Variants in SGMS2 observed in about 807,000 individuals in gnomAD.
The protein encoded by SGMS2 is sphingomyelin synthase 2.
SGMS2 carries 21 observed loss-of-function variants against 43.8 expected under a neutral mutation model. The ratio of observed to expected loss-of-function variants is 0.48; its 90% CI spans 0.34 to 0.69. The LOEUF is 0.69. Ranked by LOEUF, SGMS2 falls within the 30% of genes least tolerant of loss-of-function variation. The pLI is 0.01. For synonymous variants in SGMS2, 167 were observed against 160.6 expected (o/e 1.04, Z -0.30); for missense variants, 384 against 443.2 (o/e 0.87, Z 1.20).
At chr4:107,860,768 G>A (rs1004015299) in intron 2 of SGMS2, among the ~76,000 whole-genome samples, 1 of 152,018 alleles carries the variant, frequency 6.6e-6, no homozygotes, top group African/African-American at 2.4e-5. Context: ...CAGGTAATCC[G>A]CCTGCCTCGG....
intron 2 of SGMS2, among the ~76,000 whole-genome samples, chr4:107,877,913 C>CTTTTTTTTTTTTT (rs774442653): frequency 2.3e-4 from 24 of 102,170 alleles, no homozygotes; most frequent in African/African-American, 3.9e-4. Flanking sequence ...TTTTTCTTTT[C>CTTTTTTTTTTTTT]TTTTTTTTTT....
intron 4 of SGMS2, among the ~76,000 whole-genome samples, chr4:107,902,339 T>A (rs570122089): frequency 6.6e-6 from 1 of 151,758 alleles, no homozygotes; most frequent in South Asian, 2.1e-4. Context: ...TTCTATTACA[T>A]GATTTTTTTT....
intron 2 of SGMS2, among the ~76,000 whole-genome samples, chr4:107,885,047 A>T (rs1729641500): frequency 6.6e-6 from 1 of 152,166 alleles, no homozygotes; most frequent in Non-Finnish European, 1.5e-5. Flanking sequence ...TCATTTGTTT[A>T]GGGTACCATG....
chr4:107,829,068 A>C (rs936264563), intron 1 of SGMS2, among the ~76,000 whole-genome samples: 1 of 152,238 alleles, frequency 6.6e-6, no homozygotes, highest in African/African-American at 2.4e-5. Flanking sequence ...ATTAGAACCC[A>C]GTGAGACAGA....
chr4:107,831,919 C>T (rs1362037565), intron 1 of SGMS2, among the ~76,000 whole-genome samples: 3 of 152,190 alleles, frequency 2.0e-5, no homozygotes, highest in Non-Finnish European at 2.9e-5. Flanking sequence ...TAGTCTAGCA[C>T]AACTGGTACT....
chr4:107,891,898 G>C (rs1730251034), intron 2 of SGMS2, among the ~76,000 whole-genome samples: 1 of 152,044 alleles, frequency 6.6e-6, no homozygotes, highest in Non-Finnish European at 1.5e-5. Flanking sequence ...CTGGCCCCCA[G>C]GTAGCCATTT....
At chr4:107,907,779 TAAAAC>T (rs1192898129) in intron 5 of SGMS2, among the ~76,000 whole-genome samples, 1 of 152,210 alleles carries the variant, frequency 6.6e-6, no homozygotes, top group African/African-American at 2.4e-5. Context: ...AGCTTTAAAA[TAAAAC>T]AGATCACCAA....
chr4:107,835,932 T>C (rs1041739688), intron 1 of SGMS2, among the ~76,000 whole-genome samples: 2 of 152,198 alleles, frequency 1.3e-5, no homozygotes, highest in South Asian at 2.1e-4. Flanking sequence ...AATGGAAATA[T>C]AACATGAGCC....
intron 2 of SGMS2, among the ~76,000 whole-genome samples, chr4:107,882,882 A>G (rs1014022687): frequency 2.6e-5 from 4 of 152,186 alleles, no homozygotes; most frequent in African/African-American, 7.2e-5. Flanking sequence ...ATGTATAAAC[A>G]TCTATTATTC....
intron 1 of SGMS2, among the ~76,000 whole-genome samples, chr4:107,828,277 G>C (rs1196497363): frequency 6.6e-6 from 1 of 152,132 alleles, no homozygotes; most frequent in Non-Finnish European, 1.5e-5. Flanking sequence ...GCCAGGCAAC[G>C]TGACAGTTGC....
rs115226246 is a variant in SGMS2 at position 107,853,432 on chromosome 4, A to G, written c.-326-5040A>G. On this transcript the variant is annotated intron_variant, in intron 1 of 6. Coordinates refer to ENST00000690982, the MANE Select transcript of SGMS2 (RefSeq NM_001375905.1). ...AAGTACCCATCTAAATTAGTGGGTC[A>G]TTCCTCCCCACTCCTTTTCTCCCTC... Among the ~76,000 whole-genome samples the G allele has an allele frequency of 4.8e-3, 733 of 152,296 alleles. 4 individuals are homozygous for G. The highest frequency in any genetic ancestry group is 0.017 in the African/African-American group (705 of 41,562).
At chr4:107,846,179 G>T (rs906812014) in intron 1 of SGMS2, among the ~76,000 whole-genome samples, 90 of 151,072 alleles carry the variant, frequency 6.0e-4, no homozygotes, top group African/African-American at 2.2e-3. Context: ...AGTTACATAT[G>T]TATACATGTG....
At chr4:107,854,038 A>G (rs559889170) in intron 1 of SGMS2, among the ~76,000 whole-genome samples, 1 of 152,332 alleles carries the variant, frequency 6.6e-6, no homozygotes, top group South Asian at 2.1e-4. Context: ...TAGGTATGCA[A>G]ATGAAAATAC....
chr4:107,860,460 G>A (rs370400045), intron 2 of SGMS2, among the ~76,000 whole-genome samples: 5 of 151,926 alleles, frequency 3.3e-5, no homozygotes, highest in South Asian at 2.1e-4. Context: ...AAGTAGAATT[G>A]CAGGTCATAA....
chr4:107,873,514 C>T (rs77613791), intron 2 of SGMS2: 27 of 151,924 alleles, frequency 1.8e-4, no homozygotes, highest in Non-Finnish European at 2.8e-4. Flanking sequence ...CAAAGAAAGA[C>T]GAGCATCAAG....
chr4:107,852,911 T>C (rs1423879109), intron 1 of SGMS2, among the ~76,000 whole-genome samples: 1 of 152,210 alleles, frequency 6.6e-6, no homozygotes, highest in Non-Finnish European at 1.5e-5. Flanking sequence ...CAATTTAATA[T>C]GTAGAAAAAT....
At chr4:107,892,426 C>T (rs995614406) in intron 2 of SGMS2, among the ~76,000 whole-genome samples, 1 of 117,364 alleles carries the variant, frequency 8.5e-6, no homozygotes, top group Non-Finnish European at 1.9e-5. Flanking sequence ...GTCAGGGGCA[C>T]CTCCACTCAG....
chr4:107,825,620 C>CTTTTTTTTTTTTTTTT (rs201101875), intron 1 of SGMS2, among the ~76,000 whole-genome samples: 2 of 116,286 alleles, frequency 1.7e-5, no homozygotes, highest in African/African-American at 7.4e-5. Context: ...TTTTCTTTCT[C>CTTTTTTTTTTTTTTTT]TTTTTTTTTT....
At chr4:107,883,143 C>G (rs1423238677) in intron 2 of SGMS2, among the ~76,000 whole-genome samples, 1 of 152,174 alleles carries the variant, frequency 6.6e-6, no homozygotes. Context: ...TCAGTAGCCT[C>G]TGCAGCTGCC....
Sources: allele counts gnomAD v4.1 joint callset (sites outside exome capture counted in the v4.1 genomes callset), GRCh38; gene constraint gnomAD v4.1.1; transcripts MANE v1.5; gene names NCBI Gene and HGNC (gene_info 2026-07-23, HGNC 2026-07-21).